RBFOX1: variants seen among roughly 807,000 people sequenced by gnomAD.
The protein encoded by RBFOX1 is RNA binding fox-1 homolog 1, also known as RNA binding protein fox-1 homolog 1.
A neutral mutation model predicts 57.7 loss-of-function variants in RBFOX1; 8 were observed. That is an observed-to-expected ratio of 0.14 (90% CI 0.08 to 0.25). RBFOX1 has a LOEUF of 0.25. Ranked by LOEUF, RBFOX1 falls within the 10% of genes least tolerant of loss-of-function variation. The probability of loss-of-function intolerance (pLI) is 1.00; values close to 1 mark genes in which losing one functional copy is unlikely to be tolerated. For synonymous variants in RBFOX1, 326 were observed against 222.4 expected (o/e 1.47, Z -4.15); for missense variants, 611 against 548.5 (o/e 1.11, Z -1.14).
At chr16:6,607,362 T>C (rs1179022428) in intron 2 of RBFOX1, among the ~76,000 whole-genome samples, 2 of 150,932 alleles carry the variant, frequency 1.3e-5, no homozygotes, top group African/African-American at 4.8e-5. Flanking sequence ...ATAAATGTTA[T>C]AACCATATGA....
chr16:6,440,215 G>A (rs1168343513), intron 2 of RBFOX1, among the ~76,000 whole-genome samples: 3 of 152,004 alleles, frequency 2.0e-5, no homozygotes, highest in South Asian at 2.1e-4. Context: ...GATTACAGGC[G>A]TGAGCCTTAG....
chr16:5,781,600 C>T (rs1266194414), intron 3 of RBFOX1, among the ~76,000 whole-genome samples: 1 of 152,214 alleles, frequency 6.6e-6, no homozygotes, highest in South Asian at 2.1e-4. Context: ...CCGCAACCAT[C>T]AACTGTCTTA....
intron 1 of RBFOX1, among the ~76,000 whole-genome samples, chr16:5,267,087 G>A (rs2062878072): frequency 1.3e-5 from 2 of 151,658 alleles, no homozygotes; most frequent in Admixed American, 6.6e-5. Flanking sequence ...AGTGTGTTGT[G>A]TACATCTCTG....
intron 5 of RBFOX1, among the ~76,000 whole-genome samples, chr16:7,527,520 A>G (rs1050333474): frequency 1.3e-5 from 2 of 152,128 alleles, no homozygotes; most frequent in African/African-American, 4.8e-5. Flanking sequence ...TTGTTATGAC[A>G]GGTGAAAAAA....
chr16:7,687,871 C>G (rs1239025265), intron 14 of RBFOX1, among the ~76,000 whole-genome samples: 4 of 152,006 alleles, frequency 2.6e-5, no homozygotes, highest in Non-Finnish European at 5.9e-5. Flanking sequence ...GAGATGAGTT[C>G]TCCGTGCTGG....
intron 4 of RBFOX1, among the ~76,000 whole-genome samples, chr16:7,109,616 A>C (rs1447741062): frequency 6.6e-6 from 1 of 152,170 alleles, no homozygotes; most frequent in East Asian, 1.9e-4. Flanking sequence ...GCCCAGTTTT[A>C]GGGGAAAGGG....
chr16:7,517,138 CGTGTGTGTGTGTGTGTGTGT>C (rs200887129), intron 4 of RBFOX1, among the ~76,000 whole-genome samples: 159 of 130,216 alleles, frequency 1.2e-3, no homozygotes, highest in African/African-American at 3.9e-3. Context: ...TTTCTTATGC[CGTGTGTGTGTGTGTGTGTGT>C]GTGTGTGTGT....
At chr16:6,123,289 G>C (rs973386162) in intron 1 of RBFOX1, among the ~76,000 whole-genome samples, 1 of 151,990 alleles carries the variant, frequency 6.6e-6, no homozygotes, top group African/African-American at 2.4e-5. Flanking sequence ...AATAAGATGT[G>C]GTACATATAT....
chr16:5,546,132 A>G (rs911418543), intron 2 of RBFOX1, among the ~76,000 whole-genome samples: 1 of 152,210 alleles, frequency 6.6e-6, no homozygotes, highest in Non-Finnish European at 1.5e-5. Flanking sequence ...TGTATGATTC[A>G]TATACTGAAA....
intron 4 of RBFOX1, among the ~76,000 whole-genome samples, chr16:5,952,681 T>TCA (rs2059545376): frequency 1.3e-5 from 2 of 152,170 alleles, no homozygotes; most frequent in African/African-American, 4.8e-5. Flanking sequence ...TTCTCCCGCT[T>TCA]CAGAATGCCG....
chr16:7,654,474 T>G (rs995470472), intron 12 of RBFOX1, among the ~76,000 whole-genome samples: 3 of 152,106 alleles, frequency 2.0e-5, no homozygotes, highest in Non-Finnish European at 4.4e-5. Context: ...GAAATTGGAG[T>G]TAAGATGCGT....
At chr16:6,389,406 T>G (rs139231971) in intron 2 of RBFOX1, among the ~76,000 whole-genome samples, 7 of 152,344 alleles carry the variant, frequency 4.6e-5, no homozygotes, top group Non-Finnish European at 8.8e-5. Context: ...AAACTACATC[T>G]TTTATTTTCC....
intron 3 of RBFOX1, among the ~76,000 whole-genome samples, chr16:5,710,335 T>C (rs1338669181): frequency 1.3e-5 from 2 of 152,182 alleles, no homozygotes; most frequent in African/African-American, 4.8e-5. Flanking sequence ...CACTGCGCTC[T>C]CTGTTAAATG....
At chr16:5,726,270 C>T (rs1172435026) in intron 3 of RBFOX1, among the ~76,000 whole-genome samples, 1 of 151,964 alleles carries the variant, frequency 6.6e-6, no homozygotes, top group South Asian at 2.1e-4. Flanking sequence ...CGTTGTCTCC[C>T]TTTCTGGGGA....
intron 1 of RBFOX1, among the ~76,000 whole-genome samples, chr16:6,299,487 A>G (rs1267179589): frequency 2.0e-5 from 3 of 152,168 alleles, no homozygotes; most frequent in African/African-American, 7.2e-5. Context: ...TCACAGCGCC[A>G]GCACATGGTG....
At chr16:6,710,130 C>G (rs895840186) in intron 3 of RBFOX1, among the ~76,000 whole-genome samples, 1 of 152,082 alleles carries the variant, frequency 6.6e-6, no homozygotes, top group Non-Finnish European at 1.5e-5. Context: ...AGTTTTGGGA[C>G]TGAGGGGAGT....
chr16:6,422,551 T>A (rs1222348090), intron 2 of RBFOX1, among the ~76,000 whole-genome samples: 2 of 152,132 alleles, frequency 1.3e-5, no homozygotes, highest in Non-Finnish European at 2.9e-5. Flanking sequence ...CTGCAGGCTG[T>A]ACAGGAAGCA....
At chr16:6,850,825 T>G (rs2094020223) in intron 3 of RBFOX1, among the ~76,000 whole-genome samples, 1 of 152,216 alleles carries the variant, frequency 6.6e-6, no homozygotes, top group African/African-American at 2.4e-5. Flanking sequence ...CATTTTCTTG[T>G]AGAACTAAGC....
intron 1 of RBFOX1, among the ~76,000 whole-genome samples, chr16:6,124,054 C>T (rs537368837): frequency 2.0e-5 from 3 of 152,280 alleles, no homozygotes; most frequent in African/African-American, 7.2e-5. Context: ...TAGCTGCCCT[C>T]GAGTGTGAGA....
Sources: gnomAD v4.1 joint callset for allele counts (sites outside exome capture counted in the v4.1 genomes callset) on GRCh38, gnomAD v4.1.1 for gene constraint, MANE v1.5 for transcripts, NCBI Gene and HGNC (gene_info 2026-07-23, HGNC 2026-07-21) for gene names.